Variants in ZNF273 observed in about 807,000 individuals in gnomAD.
ZNF273 encodes the protein zinc finger protein 9.
ZNF273 carries 11 observed loss-of-function variants against 14.9 expected under a neutral mutation model. That is an observed-to-expected ratio of 0.74 (90% CI 0.46 to 1.22). The LOEUF is 1.22. ZNF273 is among the 50% of genes most tolerant of loss of function. The pLI is 0.00. For missense variants in ZNF273, 577 were observed against 660.6 expected, an observed-to-expected ratio of 0.87 and a Z score of 1.39; for synonymous variants, 199 against 223.9, an observed-to-expected ratio of 0.89 and a Z score of 0.99.
At chr7:64,937,095 C>A in the ZNF273 span, among the ~76,000 whole-genome samples, 1 of 152,166 alleles carries the variant, frequency 6.6e-6, no homozygotes, top group Non-Finnish European at 1.5e-5. Context: ...CAATAGAAAT[C>A]AACAAAATGA....
intron 3 of ZNF273, among the ~76,000 whole-genome samples, chr7:64,896,648 C>G (rs572285931): frequency 6.6e-6 from 1 of 152,044 alleles, no homozygotes; most frequent in East Asian, 1.9e-4. Flanking sequence ...CTTATAGCTA[C>G]TATGTATAAA....
At chr7:64,880,984 G>A (rs76983679), downstream of ZNF273, among the ~76,000 whole-genome samples, 1,394 of 152,334 alleles carry the variant, frequency 9.2e-3, 15 homozygotes, top group African/African-American at 0.032. Flanking sequence ...CAGATGGGGT[G>A]AGGATGCAAT....
intron 3 of ZNF273, among the ~76,000 whole-genome samples, chr7:64,921,625 TTTTTTTTTTTTTG>T (rs1794458231): frequency 2.3e-5 from 1 of 44,192 alleles, no homozygotes; most frequent in African/African-American, 9.7e-5. Flanking sequence ...TTTTTTTTTT[TTTTTTTTTTTTTG>T]TGTGTGAGAC....
At chr7:64,903,112 A>G (rs541803586), upstream of ZNF273, 135 of 475,712 alleles carry the variant, frequency 2.8e-4, 2 homozygotes, top group South Asian at 2.4e-3. Context: ...GTTTCATTCT[A>G]TCTTCTTTCA....
At chr7:64,892,824 C>T (rs764417614), downstream of ZNF273, among the ~76,000 whole-genome samples, 13 of 152,180 alleles carry the variant, frequency 8.5e-5, no homozygotes, top group South Asian at 2.1e-4. Context: ...GCATGGATTA[C>T]GGAAAATTTG....
At chr7:64,897,986 C>G (rs1792466149) in exon 4 of ZNF273, 1 of 152,136 alleles carries the variant, frequency 6.6e-6, no homozygotes, top group African/African-American at 2.4e-5. Context: ...CTCGGCCTCC[C>G]AAAGTGCTGG....
intron 3 of ZNF273, among the ~76,000 whole-genome samples, chr7:64,927,280 A>G (rs1252874891): frequency 6.6e-6 from 1 of 152,102 alleles, no homozygotes; most frequent in African/African-American, 2.4e-5. Context: ...ACCAGAGACA[A>G]GGTTTCACCA....
chr7:64,883,599 C>A (rs750199391), downstream of ZNF273, among the ~76,000 whole-genome samples: 1 of 152,198 alleles, frequency 6.6e-6, no homozygotes, highest in Non-Finnish European at 1.5e-5. Context: ...TCGCACAAGC[C>A]GTCCACACCA....
At chr7:64,908,966 G>A (rs1162019242) in intron 1 of ZNF273, among the ~76,000 whole-genome samples, 1 of 152,188 alleles carries the variant, frequency 6.6e-6, no homozygotes, top group Non-Finnish European at 1.5e-5. Flanking sequence ...CTGGAGTACA[G>A]TGGGGTGATC....
downstream of ZNF273, chr7:64,933,752 A>T (rs962631589): frequency 6.6e-6 from 1 of 152,186 alleles, no homozygotes; most frequent in Admixed American, 6.5e-5. Flanking sequence ...TTAAAAATGA[A>T]TTTTTTGATG....
intron 3 of ZNF273, among the ~76,000 whole-genome samples, chr7:64,920,554 G>A (rs745753488): frequency 3.9e-5 from 6 of 152,156 alleles, no homozygotes; most frequent in Non-Finnish European, 8.8e-5. Flanking sequence ...CCAGACTGTG[G>A]CTGGGAGGAG....
chr7:64,935,992 A>G, the ZNF273 span, among the ~76,000 whole-genome samples: 2 of 152,234 alleles, frequency 1.3e-5, no homozygotes, highest in Non-Finnish European at 2.9e-5. Context: ...GCTTTGCTCA[A>G]TTATTAAGTT....
At chr7:64,916,460 G>A (rs376443794) in intron 1 of ZNF273, among the ~76,000 whole-genome samples, 55 of 147,338 alleles carry the variant, frequency 3.7e-4, no homozygotes, top group East Asian at 2.0e-3. Flanking sequence ...CAGGAGAATC[G>A]CTTGAATTCG....
intron 1 of ZNF273, among the ~76,000 whole-genome samples, chr7:64,916,827 A>G (rs1195324635): frequency 6.6e-6 from 1 of 152,098 alleles, no homozygotes; most frequent in Non-Finnish European, 1.5e-5. Context: ...CCCAGAACTT[A>G]AAGTATAATA....
rs759108313 is a variant in ZNF273, at chr7:64,917,736, A to C, written c.229+29A>C. 1.9e-5 allele frequency: 30 copies of C among 1,545,334 alleles called. No individual in the cohort carries two copies. The Admixed American group carries it at 6.0e-4, about 31-fold the overall frequency. On this transcript the variant is annotated intron_variant, in intron 2 of 3. Transcript: ENST00000476120. ...AGGATAATTTTAATACATAATTTAA[A>C]GGTTTCACTTCTCCTTTCTGTAGAA...
chr7:64,889,218 A>G, downstream of ZNF273: 2 of 985,430 alleles, frequency 2.0e-6, no homozygotes, highest in Non-Finnish European at 2.4e-6. This position sits in a 1 kb window ranked among gnomAD's most constrained non-coding sequence, Gnocchi z 4.2. Flanking sequence ...GCTTGTGGAG[A>G]GGGGCTGGCG....
At position 64,903,276 on chromosome 7, in the gene ZNF273, T is replaced by G; in HGVS notation, c.-42T>G. On this transcript the variant is annotated 5_prime_UTR_variant, in exon 1 of 4. Transcript: ENST00000476120. Reference sequence around the variant, plus strand: ...TCCGGGATTTGGCGGGGCCTTTGTCTCTCGCTGCAGTCGCAGCTCCAGGTC... The same window carrying G: ...TCCGGGATTTGGCGGGGCCTTTGTCGCTCGCTGCAGTCGCAGCTCCAGGTC... 1 of 1,532,320 alleles carries G rather than the reference T, an allele frequency of 6.5e-7. No homozygotes were observed. Among genetic ancestry groups the G allele is most frequent in the Non-Finnish European group, 9.0e-7 (1 of 1,110,212 alleles). 94.9% of individuals were successfully genotyped at this position (1,532,320 alleles called of 1,614,324 possible).
At chr7:64,909,945 A>G (rs984886237) in intron 1 of ZNF273, among the ~76,000 whole-genome samples, 3 of 152,098 alleles carry the variant, frequency 2.0e-5, no homozygotes, top group Non-Finnish European at 2.9e-5. Context: ...ATGATTAATA[A>G]TGAGCATTTT....
chr7:64,889,607 G>A (rs1791844605), downstream of ZNF273: 1 of 986,042 alleles, frequency 1.0e-6, no homozygotes, highest in African/African-American at 1.7e-5. This position sits in a 1 kb window ranked among gnomAD's most constrained non-coding sequence, Gnocchi z 4.2. Context: ...GGGTCCCCGC[G>A]CTGTTGGAAA....
Sources: gnomAD v4.1 joint callset for allele counts (sites outside exome capture counted in the v4.1 genomes callset) on GRCh38, gnomAD v4.1.1 for gene constraint, Gnocchi (gnomAD v3.1) non-coding constraint, MANE v1.5 for transcripts, NCBI Gene and HGNC (gene_info 2026-07-23, HGNC 2026-07-21) for gene names.